Variants in LRRIQ4 observed in about 807,000 individuals in gnomAD.
LRRIQ4 encodes leucine-rich repeat and IQ domain-containing protein 4.
LRRIQ4 carries 21 observed loss-of-function variants against 40.1 expected under a neutral mutation model. The ratio of observed to expected loss-of-function variants is 0.52; its 90% confidence interval spans 0.37 to 0.75. The LOEUF (loss-of-function observed/expected upper bound fraction) is 0.75, where lower values mean the gene tolerates loss of function less well. Among genes scored for constraint, LRRIQ4 ranks in the 30% least tolerant of loss-of-function variants. The pLI, the probability that LRRIQ4 is intolerant of heterozygous loss-of-function variation, is 0.00. For missense variants in LRRIQ4, 655 were observed against 660.0 expected (o/e 0.99, Z 0.08); for synonymous variants, 277 against 277.1 (o/e 1.00, Z 0.00).
chr3:169,817,777 T>C (rs1297361821), intron 1 of LRRIQ4, among the ~76,000 whole-genome samples: 1 of 152,236 alleles, frequency 6.6e-6, no homozygotes, highest in Non-Finnish European at 1.5e-5. Context: ...TCCATTTGCA[T>C]AGAATATCTT....
chr3:169,814,497 G>GT (rs1282770704), intron 1 of LRRIQ4, among the ~76,000 whole-genome samples: 1 of 152,034 alleles, frequency 6.6e-6, no homozygotes, highest in Non-Finnish European at 1.5e-5. Context: ...TTGTTTGTTT[G>GT]TTTTTTGAGA....
At chr3:169,832,251 T>C (rs1241245739) in intron 4 of LRRIQ4, among the ~76,000 whole-genome samples, 2 of 152,036 alleles carry the variant, frequency 1.3e-5, no homozygotes, top group African/African-American at 4.8e-5. Flanking sequence ...AGGCAGATCA[T>C]GAGGTCAGGA....
At chr3:169,823,638 G>A (rs1302952467) in intron 2 of LRRIQ4, among the ~76,000 whole-genome samples, 1 of 152,098 alleles carries the variant, frequency 6.6e-6, no homozygotes, top group Non-Finnish European at 1.5e-5. Flanking sequence ...GAGCCACCGC[G>A]CACGGCCCAG....
At chr3:169,828,499 G>T (rs1358312232) in intron 2 of LRRIQ4, among the ~76,000 whole-genome samples, 1 of 152,234 alleles carries the variant, frequency 6.6e-6, no homozygotes, top group African/African-American at 2.4e-5. Context: ...CTCCCAAAGT[G>T]CTGGGATTAA....
At chr3:169,830,058 T>A (rs1780126520) in intron 3 of LRRIQ4, among the ~76,000 whole-genome samples, 1 of 152,186 alleles carries the variant, frequency 6.6e-6, no homozygotes, top group African/African-American at 2.4e-5. Flanking sequence ...TACATTCAAA[T>A]CCATTCCCTG....
intron 1 of LRRIQ4, 30 bp from the exon 2 acceptor site, chr3:169,821,861 T>A (rs7628572): frequency 0.44 from 534,790 of 1,219,436 alleles, 121,275 homozygotes; most frequent in East Asian, 0.76. Flanking sequence ...GTAAATTCTA[T>A]TTTTTTTCAT....
rs537971637 is a variant in LRRIQ4 at position 169,829,433 on chromosome 3, A to T, written c.1194+501A>T. On this transcript the variant is annotated intron_variant, in intron 3 of 5. Transcript: ENST00000340806. Reference sequence around the variant, plus strand: ...GGAATACTTGCAAAGCAACAGGATAACTTCATTCAAAGTAGCCATAGTAGG... The same window carrying T: ...GGAATACTTGCAAAGCAACAGGATATCTTCATTCAAAGTAGCCATAGTAGG... Among the ~76,000 whole-genome samples, 111 of 151,808 alleles carry T rather than the reference A, an allele frequency of 7.3e-4. 2 individuals carry two copies. The South Asian group carries it at 0.02, about 27-fold the overall frequency.
intron 5 of LRRIQ4, among the ~76,000 whole-genome samples, chr3:169,835,164 AATGATTC>A (rs1192942271): frequency 6.6e-6 from 1 of 152,218 alleles, no homozygotes; most frequent in Non-Finnish European, 1.5e-5. Context: ...TTAAAAAAAC[AATGATTC>A]ATGCATCTCT....
At chr3:169,817,083 A>T (rs1376362827) in intron 1 of LRRIQ4, among the ~76,000 whole-genome samples, 1 of 152,176 alleles carries the variant, frequency 6.6e-6, no homozygotes, top group East Asian at 1.9e-4. Context: ...TGCTATAAAC[A>T]TGCCTGTTAG....
chr3:169,832,864 T>A, intron 4 of LRRIQ4, 123 bp from the exon 5 acceptor site: 1 of 802,682 alleles, frequency 1.2e-6, no homozygotes, highest in Non-Finnish European at 2.0e-6. Context: ...GTCTTGTGCA[T>A]CCTTCCTCTC....
At chr3:169,814,500 T>TG (rs1314971564) in intron 1 of LRRIQ4, among the ~76,000 whole-genome samples, 2,372 of 151,984 alleles carry the variant, frequency 0.016, 66 homozygotes, top group African/African-American at 0.054. Context: ...TTTGTTTGTT[T>TG]TTTGAGACAG....
Position 169,828,934 on chromosome 3 carries a change from T to G in LRRIQ4, c.1194+2T>G, listed in dbSNP as rs756516542. ...CCAGAACACATTAGGAAACTGCAGG[T>G]AAGCCTCCCCAAATGAGCAGGCTAA... On this transcript the variant is annotated splice_donor_variant, in intron 3 of 5. Transcript: ENST00000340806. LOFTEE classifies it high-confidence loss of function. 1 of 1,601,470 alleles carries G rather than the reference T, an allele frequency of 6.2e-7. No homozygotes were observed. The highest frequency in any genetic ancestry group is 1.3e-5 in the African/African-American group (1 of 74,088).
Position 169,822,527 on chromosome 3 carries a change from C to T in LRRIQ4, c.606C>T (p.Ala202=), listed in dbSNP as rs374332806. The change falls in exon 2 of 6, where the codon GCC becomes GCT. Residue 202 remains alanine, a synonymous_variant. Transcript: ENST00000340806. ...ACCTGGACGAGAACAAAATAGGTGC[C>T]ATCCCAGAAGAGATCGGACACCTGA... ...IIDLDENKIG[A]IPEEIGHLTG... 2.7e-5 allele frequency: 44 copies of T among 1,613,816 alleles called. No individual in the cohort carries two copies. The highest frequency in any genetic ancestry group is 3.6e-5 in the Non-Finnish European group (43 of 1,179,862).
chr3:169,821,965 A>G lies in LRRIQ4; in HGVS notation c.44A>G (p.His15Arg), dbSNP rs1779900232. Reference sequence around the variant, plus strand: ...TCAGTAGAACATTCACCTAAAATTCATCAGAGAAATGATCCACAGCACGTC... The same window carrying G: ...TCAGTAGAACATTCACCTAAAATTCGTCAGAGAAATGATCCACAGCACGTC... ...IKSVEHSPKI[H>R]QRNDPQHVND... Residue 15 changes from histidine to arginine, a missense_variant, in exon 2 of 6, where the codon CAT (histidine) becomes CGT (arginine). Coordinates refer to ENST00000340806, the MANE Select transcript of LRRIQ4 (RefSeq NM_001080460.3). The G allele has an allele frequency of 2.0e-6, 3 of 1,508,272 alleles. No individual in the cohort carries two copies. Among genetic ancestry groups the G allele is most frequent in the Non-Finnish European group, 2.6e-6 (3 of 1,132,846 alleles). The allele number at this position is 1,508,272 out of a possible 1,614,324, so 93.4% of individuals were successfully genotyped here.
intron 2 of LRRIQ4, among the ~76,000 whole-genome samples, chr3:169,824,553 C>T (rs1301099944): frequency 6.6e-6 from 1 of 152,010 alleles, no homozygotes; most frequent in East Asian, 1.9e-4. Flanking sequence ...CACTCTGTCA[C>T]CCAGGCTGGA....
chr3:169,828,619 A>C, intron 2 of LRRIQ4, 140 bp from the exon 3 acceptor site: 15 of 640,870 alleles, frequency 2.3e-5, no homozygotes, highest in Non-Finnish European at 3.5e-5. Context: ...TAATGCAGAT[A>C]TGTGCACAAA....
At chr3:169,816,149 G>A (rs2108262476) in intron 1 of LRRIQ4, among the ~76,000 whole-genome samples, 1 of 152,204 alleles carries the variant, frequency 6.6e-6, no homozygotes, top group Middle Eastern at 3.4e-3. Flanking sequence ...CTTTGGTTTT[G>A]GTGTCAGGGT....
At chr3:169,827,437 C>G (rs981898064) in intron 2 of LRRIQ4, among the ~76,000 whole-genome samples, 3 of 151,842 alleles carry the variant, frequency 2.0e-5, no homozygotes, top group African/African-American at 2.4e-5. Context: ...GAAACCCCGT[C>G]TCTACTAAAA....
intron 1 of LRRIQ4, among the ~76,000 whole-genome samples, chr3:169,813,613 C>A: frequency 6.6e-6 from 1 of 152,166 alleles, no homozygotes; most frequent in African/African-American, 2.4e-5. Context: ...CTTACTTCAT[C>A]CTCTTCATTT....
Sources: allele counts gnomAD v4.1 joint callset (sites outside exome capture counted in the v4.1 genomes callset), GRCh38; gene constraint gnomAD v4.1.1; transcripts MANE v1.5; gene names NCBI Gene and HGNC (gene_info 2026-07-23, HGNC 2026-07-21).